Variants in RALGPS2 observed in about 807,000 individuals in gnomAD.
RALGPS2 encodes the protein Ral GEF with PH domain and SH3 binding motif 2.
Under a neutral mutation model 86.8 loss-of-function variants are expected in RALGPS2, and 43 were observed. That is an observed-to-expected ratio of 0.50 (90% CI 0.39 to 0.64). RALGPS2 has a LOEUF of 0.64. Among genes scored for constraint, RALGPS2 ranks in the 30% least tolerant of loss-of-function variants. RALGPS2 has a pLI of 0.00. For missense variants in RALGPS2, 536 were observed against 694.6 expected, an observed-to-expected ratio of 0.77 and a Z score of 2.57; for synonymous variants, 243 against 231.3, an observed-to-expected ratio of 1.05 and a Z score of -0.46.
intron 7 of RALGPS2, among the ~76,000 whole-genome samples, chr1:178,830,965 A>G (rs1655987430): frequency 6.6e-6 from 1 of 152,224 alleles, no homozygotes; most frequent in South Asian, 2.1e-4. Flanking sequence ...TACACATAGA[A>G]GCAGTGAAAA....
At chr1:178,813,281 CA>C (rs1335038421) in intron 6 of RALGPS2, among the ~76,000 whole-genome samples, 1 of 152,126 alleles carries the variant, frequency 6.6e-6, no homozygotes, top group Non-Finnish European at 1.5e-5. Flanking sequence ...ATGGATTCTG[CA>C]TTATTATTTT....
In RALGPS2 at chr1:178,847,275, A is replaced by G. The variant is rs542398694; in HGVS notation, c.607+13725A>G. ...AGCCTGGCCAATTTGGTGAAACCCC[A>G]TCTCTACTGAAAATACAAAAATTAG... is the stretch of plus-strand genomic sequence containing the variant. On this transcript the variant is annotated intron_variant, in intron 8 of 19. Coordinates refer to ENST00000367635, the MANE Select transcript of RALGPS2 (RefSeq NM_152663.5). Among the ~76,000 whole-genome samples the G allele has an allele frequency of 8.5e-5, 13 of 152,228 alleles. No individual in the cohort carries two copies. The East Asian group carries it at 2.1e-3, about 25-fold the overall frequency.
At chr1:178,728,275 A>G (rs1029423176) in intron 1 of RALGPS2, among the ~76,000 whole-genome samples, 3 of 152,184 alleles carry the variant, frequency 2.0e-5, no homozygotes, top group African/African-American at 4.8e-5. Context: ...ATTCCTTGAT[A>G]ATCTGCTTTT....
rs28690669 is a variant in RALGPS2 at position 178,790,923 on chromosome 1, A to G, written c.213+5316A>G. Among the ~76,000 whole-genome samples, 557 of 152,312 alleles carry G rather than the reference A, an allele frequency of 3.7e-3. 5 individuals are homozygous for G. Among genetic ancestry groups the G allele is most frequent in the African/African-American group, 0.012 (504 of 41,574 alleles). On this transcript the variant is annotated intron_variant, in intron 4 of 19. Transcript: ENST00000367635. ...GAATATTACCTTCACTGGAGGATAA[A>G]GGAATTCTTATTGTTAAATCAAAAT...
At chr1:178,856,394 A>ATTTTTCTTTTTT (rs1657576123) in intron 8 of RALGPS2, among the ~76,000 whole-genome samples, 1 of 36,432 alleles carries the variant, frequency 2.7e-5, no homozygotes, top group Non-Finnish European at 4.7e-5. Flanking sequence ...TGCCTGGCTA[A>ATTTTTCTTTTTT]TTTTTTTTTT....
chr1:178,741,378 TAC>T (rs1357115013), intron 1 of RALGPS2, among the ~76,000 whole-genome samples: 1 of 152,254 alleles, frequency 6.6e-6, no homozygotes, highest in Non-Finnish European at 1.5e-5. Flanking sequence ...GTGGTCCAGT[TAC>T]AGAGTTTTAA....
intron 2 of RALGPS2, among the ~76,000 whole-genome samples, chr1:178,782,523 C>T (rs77891821): frequency 0.012 from 1,813 of 152,194 alleles, 54 homozygotes; most frequent in African/African-American, 0.041. Flanking sequence ...CCCCTCTAGA[C>T]TTCCTGTCTC....
chr1:178,813,477 C>T lies in RALGPS2; in HGVS notation c.387+2073C>T, dbSNP rs182672380. ...CATAATTGTTTTTTTCTCATTGTCC[C>T]TTAAACCCTTCTATTCTGACTCTCT... On this transcript the variant is annotated intron_variant, in intron 6 of 19. Transcript: ENST00000367635. Among the ~76,000 whole-genome samples the T allele has an allele frequency of 2.5e-3, 379 of 152,208 alleles. 1 individual carries two copies. The highest frequency in any genetic ancestry group is 6.8e-3 in the Middle Eastern group (2 of 294).
At chr1:178,862,666 ATTC>A (rs1028957877) in intron 8 of RALGPS2, among the ~76,000 whole-genome samples, 3 of 151,692 alleles carry the variant, frequency 2.0e-5, no homozygotes, top group African/African-American at 7.3e-5. Flanking sequence ...CTTGAGCCTT[ATTC>A]TTTGAGTAGG....
intron 7 of RALGPS2, among the ~76,000 whole-genome samples, chr1:178,830,444 C>T (rs895240576): frequency 1.3e-5 from 2 of 151,902 alleles, no homozygotes; most frequent in African/African-American, 2.4e-5. Flanking sequence ...GATTCTGATA[C>T]GTGTATGACA....
intron 1 of RALGPS2, 118 bp downstream of exon 1, chr1:178,725,537 C>A: frequency 6.6e-6 from 1 of 152,562 alleles, no homozygotes; most frequent in South Asian, 2.0e-4. Context: ...GTGGCTCTCC[C>A]GGCCGCGGGC....
At chr1:178,779,386 T>C (rs1653268561) in intron 2 of RALGPS2, among the ~76,000 whole-genome samples, 1 of 152,216 alleles carries the variant, frequency 6.6e-6, no homozygotes, top group African/African-American at 2.4e-5. Flanking sequence ...ATGAGAATAA[T>C]GTTTATGACC....
At chr1:178,908,576 G>A (rs1038063568) in intron 19 of RALGPS2, among the ~76,000 whole-genome samples, 2 of 152,058 alleles carry the variant, frequency 1.3e-5, no homozygotes, top group African/African-American at 2.4e-5. Flanking sequence ...CTGCAACCTT[G>A]CCAACATCTG....
chr1:178,875,315 G>T (rs546942757), intron 8 of RALGPS2, among the ~76,000 whole-genome samples: 1 of 152,268 alleles, frequency 6.6e-6, no homozygotes, highest in South Asian at 2.1e-4. Flanking sequence ...ATAGAACGAA[G>T]AATAAAAGAA....
intron 8 of RALGPS2, among the ~76,000 whole-genome samples, chr1:178,836,486 G>T (rs1367512181): frequency 6.6e-6 from 1 of 152,014 alleles, no homozygotes; most frequent in African/African-American, 2.4e-5. Flanking sequence ...CAATTTAAAA[G>T]TATCTCATTC....
intron 12 of RALGPS2, 107 bp from the exon 13 acceptor site, chr1:178,885,862 G>A: frequency 2.0e-6 from 2 of 990,064 alleles, no homozygotes; most frequent in Non-Finnish European, 2.9e-6. Context: ...GGTAAGATCT[G>A]AGTATGACAG....
intron 13 of RALGPS2, among the ~76,000 whole-genome samples, chr1:178,887,981 C>T (rs1659561794): frequency 6.6e-6 from 1 of 152,134 alleles, no homozygotes; most frequent in Non-Finnish European, 1.5e-5. Context: ...ATATTTTACT[C>T]TTTCTCATAA....
chr1:178,768,114 T>A (rs1652605108), intron 1 of RALGPS2, among the ~76,000 whole-genome samples: 2 of 152,244 alleles, frequency 1.3e-5, no homozygotes, highest in African/African-American at 4.8e-5. Context: ...TGTGTTGATA[T>A]TCGACCTTGT....
At chr1:178,881,980 T>G (rs1013153447) in intron 10 of RALGPS2, among the ~76,000 whole-genome samples, 71 of 152,284 alleles carry the variant, frequency 4.7e-4, no homozygotes, top group African/African-American at 1.6e-3. Context: ...GTATAGATAT[T>G]ACAAATTACA....
Sources: gnomAD v4.1 joint callset for allele counts (sites outside exome capture counted in the v4.1 genomes callset) on GRCh38, gnomAD v4.1.1 for gene constraint, MANE v1.5 for transcripts, NCBI Gene and HGNC (gene_info 2026-07-23, HGNC 2026-07-21) for gene names.